Variants in RBFOX1 observed in about 807,000 individuals in gnomAD.
RBFOX1 encodes the protein RNA binding protein fox-1 homolog 1.
In RBFOX1, 8 loss-of-function variants were observed where a neutral mutation model predicts 57.7. That is an observed-to-expected ratio of 0.14 (90% CI 0.08 to 0.25). The LOEUF is 0.25. Among genes scored for constraint, RBFOX1 ranks in the 10% least tolerant of loss-of-function variants. The pLI, the probability that RBFOX1 is intolerant of heterozygous loss-of-function variation, is 1.00. For synonymous variants in RBFOX1, 326 were observed against 222.4 expected (o/e 1.47, Z -4.15); for missense variants, 611 against 548.5 (o/e 1.11, Z -1.14).
At chr16:5,862,306 C>T (rs1055827081) in intron 3 of RBFOX1, among the ~76,000 whole-genome samples, 3 of 152,168 alleles carry the variant, frequency 2.0e-5, no homozygotes, top group African/African-American at 7.2e-5. Context: ...TTAAAGCCTT[C>T]CCGGTCCGGC....
intron 4 of RBFOX1, among the ~76,000 whole-genome samples, chr16:7,487,335 C>G (rs970609817): frequency 6.6e-6 from 1 of 152,192 alleles, no homozygotes; most frequent in East Asian, 1.9e-4. Context: ...CGCCCTCATA[C>G]TCATCACATG....
intron 3 of RBFOX1, among the ~76,000 whole-genome samples, chr16:6,865,282 C>T (rs1027736285): frequency 4.6e-5 from 7 of 151,986 alleles, no homozygotes; most frequent in South Asian, 2.1e-4. Flanking sequence ...GGATTACAGA[C>T]GTGAGCCACC....
chr16:5,457,565 G>A (rs375494132), intron 1 of RBFOX1, among the ~76,000 whole-genome samples: 2 of 152,162 alleles, frequency 1.3e-5, no homozygotes, highest in African/African-American at 4.8e-5. Context: ...GAGGAATTTT[G>A]GGGCCACACA....
intron 2 of RBFOX1, among the ~76,000 whole-genome samples, chr16:6,501,028 A>G (rs2095901828): frequency 6.6e-6 from 1 of 150,794 alleles, no homozygotes; most frequent in Non-Finnish European, 1.5e-5. Context: ...TCAGCAGGGT[A>G]GGATGGTCTC....
chr16:7,214,467 C>G (rs142756121), intron 4 of RBFOX1, among the ~76,000 whole-genome samples: 1 of 151,998 alleles, frequency 6.6e-6, no homozygotes, highest in South Asian at 2.1e-4. Flanking sequence ...CCATGCCTCT[C>G]CGATCCATCC....
At chr16:6,731,400 C>T (rs1334472507) in intron 3 of RBFOX1, among the ~76,000 whole-genome samples, 3 of 152,142 alleles carry the variant, frequency 2.0e-5, no homozygotes, top group Non-Finnish European at 4.4e-5. Flanking sequence ...AGTGACCTCA[C>T]ATCTCATCTT....
chr16:5,866,566 A>G (rs1490611684), intron 3 of RBFOX1, among the ~76,000 whole-genome samples: 3 of 152,240 alleles, frequency 2.0e-5, no homozygotes, highest in Non-Finnish European at 4.4e-5. Context: ...CTAGGCATAG[A>G]TGAACAATGT....
intron 2 of RBFOX1, among the ~76,000 whole-genome samples, chr16:6,398,366 C>T (rs2092926981): frequency 6.6e-6 from 1 of 152,044 alleles, no homozygotes; most frequent in Non-Finnish European, 1.5e-5. Flanking sequence ...TTCAACAGTC[C>T]CCCAAAGTCT....
chr16:6,061,722 G>C (rs1238584079), intron 1 of RBFOX1, among the ~76,000 whole-genome samples: 3 of 152,050 alleles, frequency 2.0e-5, no homozygotes, highest in Non-Finnish European at 2.9e-5. Flanking sequence ...GAAAAAAACA[G>C]TGTTTTCACT....
At chr16:5,344,780 G>A (rs143264138) in intron 1 of RBFOX1, among the ~76,000 whole-genome samples, 1,809 of 152,160 alleles carry the variant, frequency 0.012, 38 homozygotes, top group African/African-American at 0.041. Context: ...ATTATCCAAC[G>A]TTATTTAAAA....
chr16:7,026,741 C>A (rs1048754048), intron 3 of RBFOX1, among the ~76,000 whole-genome samples: 5 of 152,186 alleles, frequency 3.3e-5, no homozygotes, highest in Admixed American at 2.0e-4. Flanking sequence ...CTCCCCTACC[C>A]AATTCCGAGG....
At chr16:7,066,556 C>A (rs201049931) in intron 4 of RBFOX1, among the ~76,000 whole-genome samples, 4 of 137,442 alleles carry the variant, frequency 2.9e-5, no homozygotes, top group African/African-American at 1.1e-4. Context: ...GTTTTAGGTG[C>A]TACCAGTTAA....
intron 2 of RBFOX1, among the ~76,000 whole-genome samples, chr16:5,554,431 G>A (rs890788113): frequency 6.6e-6 from 1 of 151,994 alleles, no homozygotes; most frequent in Non-Finnish European, 1.5e-5. Context: ...TTCAAAAGAG[G>A]TTCTTCTAAA....
At chr16:7,295,018 A>G (rs1018238319) in intron 4 of RBFOX1, among the ~76,000 whole-genome samples, 9 of 152,216 alleles carry the variant, frequency 5.9e-5, no homozygotes, top group African/African-American at 2.2e-4. Flanking sequence ...TCAGAAAAAA[A>G]TTAATTACCA....
Position 6,989,680 on chromosome 16 carries a change from G to C in RBFOX1, c.-15-62377G>C, listed in dbSNP as rs888789592. 8.1e-4 allele frequency among the ~76,000 whole-genome samples: 124 copies of C among 152,224 alleles called. 1 individual carries two copies. The highest frequency in any genetic ancestry group is 5.9e-4 in the Non-Finnish European group (40 of 68,006). ...GGAACAGAAGCTACTTGGAACAGAG[G>C]TGTTGATGGAAATGAAGAAATAGAA... On this transcript the variant is annotated intron_variant, in intron 3 of 15. Coordinates refer to ENST00000550418, the MANE Select transcript of RBFOX1 (RefSeq NM_018723.4).
intron 2 of RBFOX1, among the ~76,000 whole-genome samples, chr16:6,335,982 C>G (rs893464302): frequency 2.7e-5 from 4 of 149,644 alleles, no homozygotes; most frequent in Admixed American, 2.0e-4. Flanking sequence ...AGAATGAAGC[C>G]CATTCATAGT....
chr16:6,868,596 T>A (rs1045211858), intron 3 of RBFOX1, among the ~76,000 whole-genome samples: 1 of 152,082 alleles, frequency 6.6e-6, no homozygotes, highest in African/African-American at 2.4e-5. Flanking sequence ...TTTAGCGTCC[T>A]GAGTAGCTGG....
At chr16:5,570,300 T>G (rs2046236706) in intron 2 of RBFOX1, among the ~76,000 whole-genome samples, 1 of 152,170 alleles carries the variant, frequency 6.6e-6, no homozygotes, top group African/African-American at 2.4e-5. Context: ...CAAGCTGTGT[T>G]CCCTGAACCT....
intron 2 of RBFOX1, among the ~76,000 whole-genome samples, chr16:6,420,169 A>T (rs1729864865): frequency 6.6e-6 from 1 of 152,210 alleles, no homozygotes. Flanking sequence ...TCTGCAGTCG[A>T]TGAAAGGGAG....
Sources: allele counts gnomAD v4.1 joint callset (sites outside exome capture counted in the v4.1 genomes callset), GRCh38; gene constraint gnomAD v4.1.1; transcripts MANE v1.5; gene names NCBI Gene and HGNC (gene_info 2026-07-23, HGNC 2026-07-21).